The following CADM2 variants were observed in gnomAD, a reference collection of about 807,000 sequenced individuals.
CADM2 encodes the protein immunoglobulin superfamily member 4D.
CADM2 carries 12 observed loss-of-function variants against 49.8 expected under a neutral mutation model. That is an observed-to-expected ratio of 0.24 (90% CI 0.15 to 0.39). CADM2 has a LOEUF of 0.39. Ranked by LOEUF, CADM2 falls within the 10% of genes least tolerant of loss-of-function variation. CADM2 has a pLI of 1.00. For synonymous variants in CADM2, 214 were observed against 175.4 expected (o/e 1.22, Z -1.74); for missense variants, 378 against 492.3 (o/e 0.77, Z 2.20).
intron 1 of CADM2, among the ~76,000 whole-genome samples, chr3:85,545,821 A>G (rs906632359): frequency 6.6e-6 from 1 of 152,068 alleles, no homozygotes; most frequent in African/African-American, 2.4e-5. Flanking sequence ...CTGAAATTTA[A>G]TTTTTTATGT....
At chr3:86,057,308 G>GCCCA (rs930674431) in intron 8 of CADM2, among the ~76,000 whole-genome samples, 3 of 152,090 alleles carry the variant, frequency 2.0e-5, no homozygotes, top group Admixed American at 1.3e-4. Flanking sequence ...ATAGGGGGAA[G>GCCCA]TGGGCCCTTA....
chr3:85,889,050 G>A (rs982268768), intron 5 of CADM2, among the ~76,000 whole-genome samples: 4 of 152,062 alleles, frequency 2.6e-5, no homozygotes, highest in African/African-American at 7.2e-5. Context: ...AATGCCTCTC[G>A]ATTTCACAGT....
intron 1 of CADM2, among the ~76,000 whole-genome samples, chr3:85,399,315 T>A (rs1469974915): frequency 6.6e-6 from 1 of 152,174 alleles, no homozygotes; most frequent in Non-Finnish European, 1.5e-5. Flanking sequence ...GTGGTATTAT[T>A]TCTGAGGGCT....
At chr3:85,878,440 G>A (rs1397563516) in intron 3 of CADM2, among the ~76,000 whole-genome samples, 2 of 152,034 alleles carry the variant, frequency 1.3e-5, no homozygotes, top group Non-Finnish European at 2.9e-5. Flanking sequence ...ACAACTGAAA[G>A]TATTATATGA....
At chr3:85,930,800 T>C (rs1235694363) in intron 6 of CADM2, among the ~76,000 whole-genome samples, 1 of 151,872 alleles carries the variant, frequency 6.6e-6, no homozygotes, top group East Asian at 1.9e-4. Context: ...ATTCTTTTTA[T>C]GGTTGAATAG....
chr3:85,184,748 T>C, intron 1 of CADM2, among the ~76,000 whole-genome samples: 1 of 152,062 alleles, frequency 6.6e-6, no homozygotes, highest in Non-Finnish European at 1.5e-5. Context: ...AAATGAAGCT[T>C]ATTGTATAGA....
intron 1 of CADM2, among the ~76,000 whole-genome samples, chr3:85,470,589 T>C (rs1367463396): frequency 6.6e-6 from 1 of 152,172 alleles, no homozygotes; most frequent in Non-Finnish European, 1.5e-5. Flanking sequence ...GACTACGTGA[T>C]TTTTTGGATA....
At chr3:85,950,986 C>T (rs1723359761) in intron 7 of CADM2, among the ~76,000 whole-genome samples, 2 of 151,008 alleles carry the variant, frequency 1.3e-5, no homozygotes, top group Admixed American at 1.3e-4. Context: ...TTGACCCTGT[C>T]AGACAGAAGT....
rs1313963375 is a variant in CADM2 at position 85,683,865 on chromosome 3, A to C, written c.62-42657A>C. Among the ~76,000 whole-genome samples the C allele has an allele frequency of 2.0e-5, 3 of 152,112 alleles. 1 individual carries two copies. The highest frequency in any genetic ancestry group is 4.4e-5 in the Non-Finnish European group (3 of 68,018). ...TCCTACAATATGACTCTTGGAGGATAAGTCTTTTGAACAAAGTAATCACTA... is the reference window on the plus strand; with the variant it reads ...TCCTACAATATGACTCTTGGAGGATCAGTCTTTTGAACAAAGTAATCACTA... On this transcript the variant is annotated intron_variant, in intron 1 of 9. Transcript: ENST00000383699.
intron 1 of CADM2, among the ~76,000 whole-genome samples, chr3:85,167,232 C>T (rs1451346801): frequency 6.6e-6 from 1 of 151,968 alleles, no homozygotes; most frequent in Non-Finnish European, 1.5e-5. Flanking sequence ...TTCGCTCCTC[C>T]TATCATGCAG....
intron 1 of CADM2, among the ~76,000 whole-genome samples, chr3:85,614,186 G>T (rs2063743290): frequency 7.0e-6 from 1 of 142,024 alleles, no homozygotes; most frequent in African/African-American, 3.1e-5. Context: ...AAAGACACAG[G>T]TCTAAAAGTG....
chr3:85,185,946 G>C (rs970978099), intron 1 of CADM2, among the ~76,000 whole-genome samples: 2 of 152,214 alleles, frequency 1.3e-5, no homozygotes, highest in East Asian at 3.9e-4. Context: ...AGAGCTTTTC[G>C]AAGGAGATAT....
chr3:85,613,860 C>T (rs2063735920), intron 1 of CADM2, among the ~76,000 whole-genome samples: 1 of 151,566 alleles, frequency 6.6e-6, no homozygotes, highest in Non-Finnish European at 1.5e-5. Context: ...TCAAATGCTT[C>T]CAAGCAATGA....
At chr3:85,863,184 TA>T (rs1340410045) in intron 3 of CADM2, among the ~76,000 whole-genome samples, 1 of 152,096 alleles carries the variant, frequency 6.6e-6, no homozygotes. Flanking sequence ...TAGGCATGAA[TA>T]GGGGAGTAGA....
intron 2 of CADM2, among the ~76,000 whole-genome samples, chr3:85,789,932 T>A: frequency 6.6e-6 from 1 of 152,130 alleles, no homozygotes; most frequent in Admixed American, 6.5e-5. Context: ...TGTTGAGAAC[T>A]TTAAAAATCT....
chr3:85,131,886 T>TAAAA (rs10640149), intron 1 of CADM2, among the ~76,000 whole-genome samples: 11 of 143,106 alleles, frequency 7.7e-5, no homozygotes, highest in African/African-American at 2.8e-4. Flanking sequence ...TGTGGCTGTA[T>TAAAA]AAAAAAAAAA....
At chr3:85,507,498 G>C (rs190447549) in intron 1 of CADM2, among the ~76,000 whole-genome samples, 1 of 151,736 alleles carries the variant, frequency 6.6e-6, no homozygotes, top group Admixed American at 6.6e-5. Context: ...CTTTTTAAAC[G>C]ACAACAAAAA....
At chr3:85,684,118 T>C (rs1248337002) in intron 1 of CADM2, among the ~76,000 whole-genome samples, 1 of 152,218 alleles carries the variant, frequency 6.6e-6, no homozygotes, top group East Asian at 1.9e-4. Flanking sequence ...ACATATGATA[T>C]GTCTTAATAT....
intron 1 of CADM2, among the ~76,000 whole-genome samples, chr3:85,282,731 T>A (rs1216515854): frequency 6.6e-6 from 1 of 152,100 alleles, no homozygotes; most frequent in African/African-American, 2.4e-5. Context: ...TTTTATTTCA[T>A]TCTGCATATT....
Sources: gnomAD v4.1 joint callset for allele counts (sites outside exome capture counted in the v4.1 genomes callset) on GRCh38, gnomAD v4.1.1 for gene constraint, MANE v1.5 for transcripts, NCBI Gene and HGNC (gene_info 2026-07-23, HGNC 2026-07-21) for gene names.